Variants in NLRP14 observed in about 807,000 individuals in gnomAD.
NLRP14 encodes the protein NACHT, LRR and PYD domains-containing protein 14.
NLRP14 carries 105 observed loss-of-function variants against 94.7 expected under a neutral mutation model. That is an observed-to-expected ratio of 1.11 (90% CI 0.95 to 1.30). The LOEUF is 1.30. Among genes scored for constraint, NLRP14 ranks in the 50% most tolerant of loss-of-function variants. The probability of loss-of-function intolerance (pLI) is 0.00; values close to 1 mark genes in which losing one functional copy is unlikely to be tolerated. For missense variants in NLRP14, 1,362 were observed against 1,254.1 expected (o/e 1.09, Z -1.30); for synonymous variants, 508 against 459.9 (o/e 1.10, Z -1.34).
Position 7,031,639 on chromosome 11 carries a change from G to T in NLRP14, c.-21-6927G>T, listed in dbSNP as rs1410123889. Among the ~76,000 whole-genome samples, 2 of 152,194 alleles carry T rather than the reference G, an allele frequency of 1.3e-5. 1 individual carries two copies. The highest frequency in any genetic ancestry group is 2.9e-5 in the Non-Finnish European group (2 of 68,032). ...TAGCCCCACTTTCACCAGCCTTGAC[G>T]AATGGAGGCAAGCCCCTCGCCTCTC... On this transcript the variant is annotated intron_variant, in intron 1 of 11. Coordinates refer to ENST00000299481, the MANE Select transcript of NLRP14 (RefSeq NM_176822.4).
chr11:7,083,913 T>C, the NLRP14 span, among the ~76,000 whole-genome samples: 7 of 152,216 alleles, frequency 4.6e-5, no homozygotes, highest in Non-Finnish European at 1.0e-4. Flanking sequence ...TTTACATTGC[T>C]CTCTGTCTGG....
rs771412604 is a variant in NLRP14, at chr11:7,043,784, G to A, written c.1758G>A (p.Leu586=). 1.2e-6 allele frequency: 2 copies of A among 1,614,148 alleles called. No homozygotes were observed. The highest frequency in any genetic ancestry group is 1.1e-5 in the South Asian group (1 of 91,080). ...QLGFLELFHC[L]YETQDKAFIS... ...GATTTCTGGAGTTGTTTCACTGTCT[G>A]TATGAGACTCAAGATAAAGCGTTTA... The change falls in exon 4 of 12, where the codon CTG becomes CTA. Residue 586 remains leucine, a synonymous_variant. Transcript: ENST00000299481.
At chr11:7,056,468 A>G (rs1391358819) in intron 6 of NLRP14, among the ~76,000 whole-genome samples, 1 of 150,728 alleles carries the variant, frequency 6.6e-6, no homozygotes, top group Non-Finnish European at 1.5e-5. Flanking sequence ...GATTTCATAC[A>G]TAAAGAGTTA....
chr11:7,067,268 A>G (rs1391158866), intron 10 of NLRP14, among the ~76,000 whole-genome samples: 1 of 152,172 alleles, frequency 6.6e-6, no homozygotes, highest in African/African-American at 2.4e-5. Context: ...TGGGGATAGC[A>G]TTGAACCTAT....
downstream of NLRP14, among the ~76,000 whole-genome samples, chr11:7,072,663 C>T (rs1288222867): frequency 6.6e-6 from 1 of 152,156 alleles, no homozygotes; most frequent in Non-Finnish European, 1.5e-5. Flanking sequence ...AAGTTGTATG[C>T]ATGCTCCCTT....
the NLRP14 span, among the ~76,000 whole-genome samples, chr11:7,077,036 C>G: frequency 6.6e-6 from 1 of 152,366 alleles, no homozygotes; most frequent in Admixed American, 6.5e-5. Flanking sequence ...CTGCCCGAAA[C>G]ACCTAGCTCT....
At position 7,062,342 on chromosome 11, in the gene NLRP14, C is replaced by G. The variant is rs936005120; in HGVS notation, c.2814C>G (p.Gly938=). Residue 938 remains glycine (G), a synonymous_variant, in exon 10 of 12, where the codon GGC becomes GGG. Coordinates refer to ENST00000299481, the MANE Select transcript of NLRP14 (RefSeq NM_176822.4). ...ATTGTAATTCTTACAGATTGATGGG[C>G]TGTGTTCTCACTAATGCATGTTGTC... ...SCNLQDLELM[G]CVLTNACCLD... 4 of 1,612,124 alleles carry G rather than the reference C, an allele frequency of 2.5e-6. No homozygotes were observed. Among genetic ancestry groups the G allele is most frequent in the Non-Finnish European group, 3.4e-6 (4 of 1,178,478 alleles).
At chr11:7,021,209 T>C (rs1248120454) in intron 1 of NLRP14, among the ~76,000 whole-genome samples, 1 of 152,236 alleles carries the variant, frequency 6.6e-6, no homozygotes, top group African/African-American at 2.4e-5. Flanking sequence ...TTAATAGGCG[T>C]AATATTGATA....
Position 7,036,940 on chromosome 11 carries a change from C to T in NLRP14, c.-21-1626C>T, listed in dbSNP as rs919467675. Among the ~76,000 whole-genome samples the T allele has an allele frequency of 3.5e-4, 53 of 152,090 alleles. 1 individual carries two copies. The highest frequency in any genetic ancestry group is 3.5e-3 in the Admixed American group (53 of 15,262). ...GATAGATTTCTAATGGATTAAATCC[C>T]TTCAGGAACAATTGCTTATGAGATT... On this transcript the variant is annotated intron_variant, in intron 1 of 11. Coordinates refer to ENST00000299481, the MANE Select transcript of NLRP14 (RefSeq NM_176822.4).
intron 2 of NLRP14, 41 bp downstream of exon 2, chr11:7,038,916 G>A (rs951254731): frequency 1.3e-6 from 2 of 1,593,594 alleles, no homozygotes; most frequent in Middle Eastern, 3.3e-4. Context: ...AGGCAGGAAG[G>A]AAGTGTTTCC....
At chr11:7,036,579 C>T (rs538842185) in intron 1 of NLRP14, among the ~76,000 whole-genome samples, 6 of 152,168 alleles carry the variant, frequency 3.9e-5, no homozygotes, top group Admixed American at 6.5e-5. Context: ...TAGGTGCATG[C>T]GTTAGCTTTT....
intron 1 of NLRP14, among the ~76,000 whole-genome samples, chr11:7,021,768 A>G (rs924265039): frequency 1.5e-4 from 23 of 151,306 alleles, no homozygotes; most frequent in African/African-American, 5.1e-4. Context: ...CAGTAATTCA[A>G]CTATCAATTG....
chr11:7,090,554 CTTACAT>C, the NLRP14 span: 21 of 526,592 alleles, frequency 4.0e-5, no homozygotes, highest in Non-Finnish European at 6.6e-5. Context: ...TACTAGTCTT[CTTACAT>C]TTACAAGTAG....
At position 7,042,241 on chromosome 11, in the gene NLRP14, T is replaced by A. The variant is rs990227022; in HGVS notation, c.362-147T>A. 3.5e-5 allele frequency: 21 copies of A among 595,610 alleles called. 1 individual carries two copies. The highest frequency in any genetic ancestry group is 5.7e-5 in the East Asian group (2 of 34,816). 36.9% of individuals were successfully genotyped at this position (595,610 alleles called of 1,614,324 possible). A position where few individuals can be genotyped will look rare whatever the true frequency, so the allele number is the denominator to read the frequency against. ...GGAATATTTTTATTTATATTATTTT[T>A]AAAAAATCAAAACCAGCTCTGATTT... On this transcript the variant is annotated intron_variant, in intron 3 of 11. Transcript: ENST00000299481.
Position 7,038,698 on chromosome 11 carries a change from A to G in NLRP14, c.112A>G (p.Met38Val), listed in dbSNP as rs760897560. Reference sequence around the variant, plus strand: ...ATTCAAGTTATTCCTAAAGGAGACCATGGAACCTGAGCATGGCCTGACACC... The same window carrying G: ...ATTCAAGTTATTCCTAAAGGAGACCGTGGAACCTGAGCATGGCCTGACACC... The part of the protein sequence containing the change: ...NTFKLFLKET[M>V]EPEHGLTPWN... Residue 38 changes from methionine to valine, a missense_variant, in exon 2 of 12, where the codon ATG becomes GTG. By Grantham distance (21) the Met-to-Val change is conservative. Transcript: ENST00000299481. 1.2e-6 allele frequency: 2 copies of G among 1,614,146 alleles called. No individual in the cohort carries two copies. The highest frequency in any genetic ancestry group is 2.2e-5 in the East Asian group (1 of 44,872).
intron 1 of NLRP14, among the ~76,000 whole-genome samples, chr11:7,032,803 A>G (rs919714013): frequency 2.0e-5 from 3 of 152,206 alleles, no homozygotes; most frequent in Non-Finnish European, 2.9e-5. Flanking sequence ...AGGGATATGA[A>G]CATTTTCAAG....
Position 7,058,311 on chromosome 11 carries a change from T to C in NLRP14, c.2494T>C (p.Cys832Arg). ...LESCGLTEAG[C>R]EYLSLALISN... is the part of the protein sequence containing the mutation. ...AAGCTGTGGTCTCACAGAGGCTGGC[T>C]GTGAGTATCTTTCTTTGGCTCTCAT... The change falls in exon 8 of 12, where the codon TGT (cysteine) becomes CGT (arginine). Residue 832 changes from cysteine to arginine, a missense_variant. By Grantham distance (180) the Cys-to-Arg change is radical. Coordinates refer to ENST00000299481, the MANE Select transcript of NLRP14 (RefSeq NM_176822.4). 1 of 1,612,748 alleles carries C rather than the reference T, an allele frequency of 6.2e-7. No individual in the cohort carries two copies. Among genetic ancestry groups the C allele is most frequent in the Non-Finnish European group, 8.5e-7 (1 of 1,178,956 alleles).
the NLRP14 span, among the ~76,000 whole-genome samples, chr11:7,080,848 C>T: frequency 1.3e-5 from 2 of 152,268 alleles, no homozygotes; most frequent in South Asian, 4.1e-4. Context: ...GTGCTCCTGG[C>T]CGATTGTGGT....
At chr11:7,078,454 A>C in the NLRP14 span, among the ~76,000 whole-genome samples, 1 of 146,294 alleles carries the variant, frequency 6.8e-6, no homozygotes, top group African/African-American at 2.5e-5. Context: ...AAAAAAAAAA[A>C]AAAAAAAACA....
Sources: gnomAD v4.1 joint callset for allele counts (sites outside exome capture counted in the v4.1 genomes callset) on GRCh38, gnomAD v4.1.1 for gene constraint, MANE v1.5 for transcripts, NCBI Gene and HGNC (gene_info 2026-07-23, HGNC 2026-07-21) for gene names.